UBTD2: variants seen among roughly 807,000 people sequenced by gnomAD.
UBTD2 encodes the protein ubiquitin domain-containing protein 2.
Under a neutral mutation model 19.8 loss-of-function variants are expected in UBTD2, and 9 were observed. The ratio of observed to expected loss-of-function variants is 0.46; its 90% CI spans 0.27 to 0.79. UBTD2 has a LOEUF of 0.79. Among genes scored for constraint, UBTD2 ranks in the 30% least tolerant of loss-of-function variants. The pLI is 0.14. For missense variants in UBTD2, 250 were observed against 300.4 expected, an observed-to-expected ratio of 0.83 and a Z score of 1.24; for synonymous variants, 98 against 103.9, an observed-to-expected ratio of 0.94 and a Z score of 0.35.
chr5:172,255,124 A>G, intron 1 of UBTD2: 1 of 468,862 alleles, frequency 2.1e-6, no homozygotes, highest in Middle Eastern at 3.5e-4. Context: ...GAGTATTTTC[A>G]TTGGTGGGCT....
chr5:172,277,208 G>T (rs1755622368), intron 1 of UBTD2, among the ~76,000 whole-genome samples: 1 of 150,768 alleles, frequency 6.6e-6, no homozygotes, highest in Admixed American at 6.6e-5. Flanking sequence ...CCATTTCACT[G>T]CTAATAACCT....
At chr5:172,246,007 G>A (rs1432527253) in intron 1 of UBTD2, among the ~76,000 whole-genome samples, 1 of 152,168 alleles carries the variant, frequency 6.6e-6, no homozygotes. Flanking sequence ...CAAAGAGCCA[G>A]AAATATGTGA....
chr5:172,269,356 T>C (rs988898487), intron 1 of UBTD2, among the ~76,000 whole-genome samples: 3 of 151,738 alleles, frequency 2.0e-5, no homozygotes, highest in Non-Finnish European at 4.4e-5. Flanking sequence ...CAGGCAGTAG[T>C]GGTGTGCGCC....
At position 172,246,530 on chromosome 5, in the gene UBTD2, C is replaced by T. The variant is rs375887002; in HGVS notation, c.71-12172G>A. Among the ~76,000 whole-genome samples the T allele has an allele frequency of 1.8e-4, 27 of 149,462 alleles. No homozygotes were observed. The East Asian group carries it at 4.3e-3, about 24-fold the overall frequency. ...TGCGATCTTGGCTCACTGCAACCTC[C>T]GCCTCCCAGGTCCAAGCAGTTCTCC... On this transcript the variant is annotated intron_variant, in intron 1 of 2. Transcript: ENST00000393792.
chr5:172,275,774 T>C (rs1450839738), intron 1 of UBTD2, among the ~76,000 whole-genome samples: 2 of 152,192 alleles, frequency 1.3e-5, no homozygotes, highest in Non-Finnish European at 2.9e-5. Flanking sequence ...CACTTAGACA[T>C]TCTTCTGTCA....
chr5:172,282,054 C>T (rs1755728376), intron 1 of UBTD2, among the ~76,000 whole-genome samples: 2 of 152,112 alleles, frequency 1.3e-5, no homozygotes, highest in African/African-American at 2.4e-5. Flanking sequence ...AATCCACATA[C>T]ATTACGGAGA....
At chr5:172,229,238 C>A (rs183778269) in intron 2 of UBTD2, among the ~76,000 whole-genome samples, 2 of 151,806 alleles carry the variant, frequency 1.3e-5, no homozygotes, top group African/African-American at 4.8e-5. Context: ...CGGTGGCTCA[C>A]GCCTGTAATC....
intron 1 of UBTD2, among the ~76,000 whole-genome samples, chr5:172,259,624 T>A (rs1217950168): frequency 2.0e-5 from 3 of 151,868 alleles, no homozygotes; most frequent in Non-Finnish European, 4.4e-5. Context: ...GGAGGCGGTG[T>A]GGGGGTGGGG....
At chr5:172,257,863 T>C (rs1755188704) in intron 1 of UBTD2, among the ~76,000 whole-genome samples, 1 of 152,188 alleles carries the variant, frequency 6.6e-6, no homozygotes, top group Admixed American at 6.5e-5. Flanking sequence ...AATGGGGTTG[T>C]TTGCTTTTTG....
intron 1 of UBTD2, among the ~76,000 whole-genome samples, chr5:172,272,850 G>A (rs555729000): frequency 2.0e-4 from 31 of 152,092 alleles, no homozygotes; most frequent in Non-Finnish European, 4.0e-4. Flanking sequence ...GGAGGCCGAG[G>A]CAGGCGGACC....
intron 1 of UBTD2, chr5:172,242,514 A>G (rs1257823378): frequency 1.3e-6 from 1 of 776,638 alleles, no homozygotes; most frequent in Non-Finnish European, 1.6e-6. Flanking sequence ...TTGTTCCTTT[A>G]CCCTTTGTAT....
At position 172,283,469 on chromosome 5, in the gene UBTD2, G is replaced by C; in HGVS notation, c.70+127C>G. The C allele has an allele frequency of 1.5e-6, 1 of 686,316 alleles. No individual in the cohort carries two copies. Among genetic ancestry groups the C allele is most frequent in the East Asian group, 3.8e-5 (1 of 26,418 alleles). 42.5% of individuals were successfully genotyped at this position (686,316 alleles called of 1,614,324 possible). On this transcript the variant is annotated intron_variant, in intron 1 of 2. Transcript: ENST00000393792. The surrounding 1 kb of genome is among the most constrained non-coding windows in gnomAD (Gnocchi z 4.3). ...AGGACAGCCGGAAGCGGAGCGCGGGGAATGACGTGGAAGAGGGGATGACAA... is the reference window on the plus strand; with the variant it reads ...AGGACAGCCGGAAGCGGAGCGCGGGCAATGACGTGGAAGAGGGGATGACAA...
intron 1 of UBTD2, among the ~76,000 whole-genome samples, chr5:172,256,258 C>CT (rs1272438532): frequency 3.9e-5 from 6 of 152,168 alleles, no homozygotes; most frequent in African/African-American, 1.4e-4. Context: ...TCATTAAGCA[C>CT]TTTAAATTTC....
intron 1 of UBTD2, among the ~76,000 whole-genome samples, chr5:172,274,592 G>A (rs1339780103): frequency 2.6e-5 from 4 of 152,178 alleles, no homozygotes; most frequent in African/African-American, 4.8e-5. Context: ...TACAGAGAAT[G>A]TGTTTGTCCT....
chr5:172,240,716 C>A (rs1050937570), intron 1 of UBTD2, among the ~76,000 whole-genome samples: 2 of 152,036 alleles, frequency 1.3e-5, no homozygotes, highest in Non-Finnish European at 2.9e-5. Flanking sequence ...AGAAATCACA[C>A]AATTAAGTCC....
chr5:172,278,520 GAAAA>G (rs35402919), intron 1 of UBTD2, among the ~76,000 whole-genome samples: 1 of 132,908 alleles, frequency 7.5e-6, no homozygotes. Context: ...TGCCTCAGGG[GAAAA>G]AAAAAAAAAA....
At chr5:172,255,898 G>C (rs1755137236) in intron 1 of UBTD2, among the ~76,000 whole-genome samples, 2 of 152,142 alleles carry the variant, frequency 1.3e-5, no homozygotes, top group Non-Finnish European at 2.9e-5. Flanking sequence ...AGACCAGCCT[G>C]GCCAACATGG....
At chr5:172,251,228 A>C (rs1355080765) in intron 1 of UBTD2, among the ~76,000 whole-genome samples, 1 of 148,014 alleles carries the variant, frequency 6.8e-6, no homozygotes, top group Non-Finnish European at 1.5e-5. Flanking sequence ...CTGAGGCAGG[A>C]GAATGGCCTG....
intron 1 of UBTD2, among the ~76,000 whole-genome samples, chr5:172,274,135 C>CTTTTTTTTTT (rs555392614): frequency 1.1e-4 from 12 of 108,626 alleles, no homozygotes; most frequent in Non-Finnish European, 2.0e-4. Context: ...TTTTGCTTTA[C>CTTTTTTTTTT]TTTTTTTTTT....
Sources: gnomAD v4.1 joint callset for allele counts (sites outside exome capture counted in the v4.1 genomes callset) on GRCh38, gnomAD v4.1.1 for gene constraint, Gnocchi (gnomAD v3.1) non-coding constraint, MANE v1.5 for transcripts, NCBI Gene and HGNC (gene_info 2026-07-23, HGNC 2026-07-21) for gene names.